ALK: variants seen among roughly 807,000 people sequenced by gnomAD.
The protein encoded by ALK is ALK tyrosine kinase receptor.
A neutral mutation model predicts 163.1 loss-of-function variants in ALK; 74 were observed. The ratio of observed to expected loss-of-function variants is 0.45; its 90% CI spans 0.38 to 0.55. The LOEUF is 0.55. ALK is among the 20% of genes least tolerant of loss of function. The pLI is 0.00. For synonymous variants in ALK, 960 were observed against 843.2 expected (o/e 1.14, Z -2.40); for missense variants, 2,063 against 2,105.3 (o/e 0.98, Z 0.39).
intron 1 of ALK, among the ~76,000 whole-genome samples, chr2:29,739,444 G>C (rs925706525): frequency 6.6e-6 from 1 of 151,406 alleles, no homozygotes; most frequent in African/African-American, 2.4e-5. Flanking sequence ...TGTAGTCTCA[G>C]CTACTCAGGA....
intron 3 of ALK, among the ~76,000 whole-genome samples, chr2:29,557,158 C>G (rs1007576474): frequency 6.6e-6 from 1 of 152,014 alleles, no homozygotes; most frequent in African/African-American, 2.4e-5. Context: ...ATGAAAAAAG[C>G]AAATGCAACA....
At chr2:29,645,636 A>T (rs1325744621) in intron 3 of ALK, among the ~76,000 whole-genome samples, 2 of 152,132 alleles carry the variant, frequency 1.3e-5, no homozygotes, top group African/African-American at 2.4e-5. Flanking sequence ...TTCCTTCTCC[A>T]GCCAGGCTTT....
intron 4 of ALK, among the ~76,000 whole-genome samples, chr2:29,444,844 G>A (rs1377643268): frequency 6.6e-6 from 1 of 152,136 alleles, no homozygotes; most frequent in Non-Finnish European, 1.5e-5. Flanking sequence ...TCCTAGGGCT[G>A]CTGGTTATAG....
intron 9 of ALK, among the ~76,000 whole-genome samples, chr2:29,289,370 G>A (rs1270634069): frequency 2.0e-5 from 3 of 152,250 alleles, no homozygotes; most frequent in Admixed American, 6.5e-5. Context: ...TGAACCCCTT[G>A]GGGAAAGACT....
chr2:29,291,044 C>G (rs1312468175), intron 9 of ALK, among the ~76,000 whole-genome samples: 1 of 152,124 alleles, frequency 6.6e-6, no homozygotes, highest in Non-Finnish European at 1.5e-5. Flanking sequence ...TAAAAATAAC[C>G]AAGAACCTAA....
intron 3 of ALK, among the ~76,000 whole-genome samples, chr2:29,611,544 C>A (rs751659139): frequency 2.0e-5 from 3 of 152,120 alleles, no homozygotes; most frequent in Non-Finnish European, 4.4e-5. Context: ...TGAACTCTTA[C>A]CTTAAGGAAA....
rs548263524 is a variant in ALK at position 29,809,526 on chromosome 2, C to A, written c.668-91829G>T. 5.1e-4 allele frequency among the ~76,000 whole-genome samples: 78 copies of A among 152,342 alleles called. 1 individual carries two copies. Among genetic ancestry groups the A allele is most frequent in the African/African-American group, 1.6e-3 (66 of 41,586 alleles). Reference sequence around the variant, plus strand: ...TTCATATTCATTCTACTGGACCTTACTACTTTTATCTCCGTGAGGGAGTTT... The same window carrying A: ...TTCATATTCATTCTACTGGACCTTAATACTTTTATCTCCGTGAGGGAGTTT... On this transcript the variant is annotated intron_variant, in intron 1 of 28. Coordinates refer to ENST00000389048, the MANE Select transcript of ALK (RefSeq NM_004304.5).
At position 29,426,435 on chromosome 2, in the gene ALK, G is replaced by A. The variant is rs75841301; in HGVS notation, c.1155-42576C>T. On this transcript the variant is annotated intron_variant, in intron 4 of 28. Coordinates refer to ENST00000389048, the MANE Select transcript of ALK (RefSeq NM_004304.5). ...AGAAAAATGACTTATCACTTACAAA[G>A]CAACCTCAAAAAGATTAATAGCTGC... Among the ~76,000 whole-genome samples the A allele has an allele frequency of 5.9e-3, 904 of 152,200 alleles. 8 individuals carry two copies. Among genetic ancestry groups the A allele is most frequent in the African/African-American group, 0.019 (806 of 41,510 alleles).
At chr2:29,573,794 A>G (rs562808671) in intron 3 of ALK, among the ~76,000 whole-genome samples, 31 of 152,216 alleles carry the variant, frequency 2.0e-4, no homozygotes, top group Non-Finnish European at 3.5e-4. Context: ...GCTCATGACT[A>G]CACTCACAGG....
intron 1 of ALK, among the ~76,000 whole-genome samples, chr2:29,835,244 G>A (rs1572421366): frequency 6.6e-6 from 1 of 152,144 alleles, no homozygotes; most frequent in Non-Finnish European, 1.5e-5. Context: ...GAATGTAAAC[G>A]TTTTGGGGTA....
chr2:29,801,883 T>C (rs1302660653), intron 1 of ALK, among the ~76,000 whole-genome samples: 1 of 152,170 alleles, frequency 6.6e-6, no homozygotes, highest in Non-Finnish European at 1.5e-5. Flanking sequence ...TTCTTTCTAC[T>C]ACAGAGCTGC....
At chr2:29,742,875 C>T (rs1233640774) in intron 1 of ALK, among the ~76,000 whole-genome samples, 1 of 152,188 alleles carries the variant, frequency 6.6e-6, no homozygotes, top group East Asian at 1.9e-4. Flanking sequence ...CTGCAACGGC[C>T]AGCAATGAAT....
At chr2:29,290,062 G>A (rs1665979323) in intron 9 of ALK, among the ~76,000 whole-genome samples, 1 of 152,242 alleles carries the variant, frequency 6.6e-6, no homozygotes, top group East Asian at 1.9e-4. Context: ...AATGTTGGTG[G>A]ACATAATGCC....
intron 23 of ALK, among the ~76,000 whole-genome samples, chr2:29,217,131 TGTGTG>T (rs1044363250): frequency 0.016 from 26 of 1,640 alleles, no homozygotes; most frequent in Admixed American, 0.1. Context: ...GCGTGTGTGG[TGTGTG>T]TGTGTGTGTG....
chr2:29,794,515 A>G (rs1664259833), intron 1 of ALK, among the ~76,000 whole-genome samples: 1 of 152,180 alleles, frequency 6.6e-6, no homozygotes, highest in Non-Finnish European at 1.5e-5. Flanking sequence ...AGCTTTTGAC[A>G]TGCCTACTCA....
chr2:29,791,635 AT>A (rs1396070160), intron 1 of ALK, among the ~76,000 whole-genome samples: 30 of 142,562 alleles, frequency 2.1e-4, no homozygotes, highest in South Asian at 7.1e-4. Flanking sequence ...AATTAAAAAT[AT>A]ATATATATAT....
At chr2:29,778,544 T>C (rs1333984032) in intron 1 of ALK, among the ~76,000 whole-genome samples, 2 of 152,140 alleles carry the variant, frequency 1.3e-5, no homozygotes, top group African/African-American at 4.8e-5. Context: ...TGTGTGTACA[T>C]ACATACACGT....
At chr2:29,855,099 T>C (rs896788488) in intron 1 of ALK, among the ~76,000 whole-genome samples, 1 of 152,182 alleles carries the variant, frequency 6.6e-6, no homozygotes, top group African/African-American at 2.4e-5. Context: ...TGTCACCAAT[T>C]GTAATTCTGG....
At chr2:29,348,425 G>A (rs1668017245) in intron 5 of ALK, among the ~76,000 whole-genome samples, 1 of 152,224 alleles carries the variant, frequency 6.6e-6, no homozygotes, top group Non-Finnish European at 1.5e-5. Context: ...GCTCATTAAG[G>A]CTCTACAACT....
Sources: allele counts gnomAD v4.1 joint callset (sites outside exome capture counted in the v4.1 genomes callset), GRCh38; gene constraint gnomAD v4.1.1; transcripts MANE v1.5; gene names NCBI Gene and HGNC (gene_info 2026-07-23, HGNC 2026-07-21).